The following SERPINC1 variants were observed in gnomAD, a reference collection of about 807,000 sequenced individuals.
SERPINC1 encodes the protein antithrombin-III.
SERPINC1 carries 12 observed loss-of-function variants against 43.4 expected under a neutral mutation model. The observed-to-expected ratio is 0.28, with a 90% confidence interval of 0.18 to 0.45. SERPINC1 has a LOEUF of 0.45. Ranked by LOEUF, SERPINC1 falls within the 20% of genes least tolerant of loss-of-function variation. The pLI, the probability that SERPINC1 is intolerant of heterozygous loss-of-function variation, is 1.00. For missense variants in SERPINC1, 423 were observed against 578.8 expected (o/e 0.73, Z 2.76); for synonymous variants, 210 against 218.9 (o/e 0.96, Z 0.36).
intron 1 of SERPINC1, among the ~76,000 whole-genome samples, chr1:173,916,223 G>A (rs1337861510): frequency 6.6e-6 from 1 of 152,208 alleles, no homozygotes; most frequent in Non-Finnish European, 1.5e-5. Flanking sequence ...GACAGGGTGG[G>A]GCAGGGGCTG....
intron 1 of SERPINC1, among the ~76,000 whole-genome samples, chr1:173,916,347 C>T (rs562683665): frequency 6.6e-6 from 1 of 152,260 alleles, no homozygotes; most frequent in East Asian, 1.9e-4. Flanking sequence ...GATTCACGGA[C>T]GTGGTCCGTT....
chr1:173,907,643 C>T, intron 5 of SERPINC1, 129 bp from the exon 6 acceptor site: 1 of 772,956 alleles, frequency 1.3e-6, no homozygotes, highest in Non-Finnish European at 2.4e-6. Flanking sequence ...CCTAAATCTT[C>T]ACCTAATCAT....
In SERPINC1 at chr1:173,910,784, A is replaced by G. The variant is rs572252151; in HGVS notation, c.732T>C (p.Val244=). Residue 244 remains valine (V), a synonymous_variant, in exon 4 of 7, where the codon GTT becomes GTC. Coordinates refer to ENST00000367698, the MANE Select transcript of SERPINC1 (RefSeq NM_000488.4). The part of the protein sequence containing the change: ...IPSEAINELT[V]LVLVNTIYFK... Reference sequence around the variant, plus strand: ...AGTAAATGGTGTTAACCAGCACCAGAACAGTGAGCTCATTGATGGCTTCCG... The same window carrying G: ...AGTAAATGGTGTTAACCAGCACCAGGACAGTGAGCTCATTGATGGCTTCCG... 2 of 1,614,126 alleles carry G rather than the reference A, an allele frequency of 1.2e-6. No individual in the cohort carries two copies. The highest frequency in any genetic ancestry group is 2.2e-5 in the South Asian group (2 of 91,076).
At chr1:173,904,524 G>A (rs1489272683) in intron 6 of SERPINC1, among the ~76,000 whole-genome samples, 1 of 152,174 alleles carries the variant, frequency 6.6e-6, no homozygotes, top group East Asian at 1.9e-4. Flanking sequence ...ATGAAAAGAG[G>A]TGGGTTCTCT....
Position 173,911,941 on chromosome 1 carries a change from C to T in SERPINC1, c.482G>A (p.Arg161Gln), listed in dbSNP as rs121909563. ...IHFFFAKLNC[R>Q]LYRKANKSSK... ...GGATTTGTTGGCTTTTCGATAGAGT[C>T]GGCAGTTCAGTTTGGCAAAGAAGAA... Residue 161 changes from arginine (R) to glutamine (Q), a missense_variant, in exon 3 of 7, where the codon CGA (arginine) becomes CAA (glutamine). Arg to Gln is a conservative substitution (Grantham distance 43). Coordinates refer to ENST00000367698, the MANE Select transcript of SERPINC1 (RefSeq NM_000488.4). 22 of 1,614,054 alleles carry T rather than the reference C, an allele frequency of 1.4e-5. No homozygotes were observed. The highest frequency in any genetic ancestry group is 1.9e-5 in the Non-Finnish European group (22 of 1,180,020).
chr1:173,904,827 A>G (rs1021090703), intron 6 of SERPINC1, among the ~76,000 whole-genome samples: 11 of 152,022 alleles, frequency 7.2e-5, no homozygotes, highest in Non-Finnish European at 1.5e-4. Context: ...TGCTCATTCC[A>G]GCACTAAATT....
chr1:173,904,237 C>A (rs772721410), intron 6 of SERPINC1, among the ~76,000 whole-genome samples, 172 bp from the exon 7 acceptor site: 22 of 152,192 alleles, frequency 1.4e-4, no homozygotes, highest in Non-Finnish European at 4.4e-5. Flanking sequence ...TTCTTTCATG[C>A]AGAGAATGTA....
Position 173,910,793 on chromosome 1 carries a change from C to T in SERPINC1, c.723G>A (p.Glu241=). The change falls in exon 4 of 7, where the codon GAG becomes GAA. Residue 241 remains glutamate (E), a synonymous_variant. Coordinates refer to ENST00000367698, the MANE Select transcript of SERPINC1 (RefSeq NM_000488.4). The stretch of plus-strand genomic sequence containing the variant: ...TGTTAACCAGCACCAGAACAGTGAG[C>T]TCATTGATGGCTTCCGAGGGAATGA... The part of the protein sequence containing the change: ...TDVIPSEAIN[E]LTVLVLVNTI... The T allele has an allele frequency of 1.2e-6, 2 of 1,614,110 alleles. No individual in the cohort carries two copies. The highest frequency in any genetic ancestry group is 1.7e-6 in the Non-Finnish European group (2 of 1,180,018).
chr1:173,915,457 C>T (rs1417511416), intron 1 of SERPINC1, among the ~76,000 whole-genome samples: 3 of 152,192 alleles, frequency 2.0e-5, no homozygotes, highest in Admixed American at 2.0e-4. Context: ...ATGCAGATCA[C>T]TTGAGGTTGG....
chr1:173,914,778 C>T lies in SERPINC1; in HGVS notation c.183G>A (p.Lys61=). 6.2e-7 allele frequency: 1 copy of T among 1,614,116 alleles called. No individual in the cohort carries two copies. Among genetic ancestry groups the T allele is most frequent in the Non-Finnish European group, 8.5e-7 (1 of 1,179,974 alleles). Residue 61 remains lysine (K), a synonymous_variant, in exon 2 of 7, where the codon AAG becomes AAA. Coordinates refer to ENST00000367698, the MANE Select transcript of SERPINC1 (RefSeq NM_000488.4). ...PMCIYRSPEK[K]ATEDEGSEQK... The stretch of plus-strand genomic sequence containing the variant: ...GTTCTGAGCCCTCATCCTCAGTTGC[C>T]TTCTTCTCCGGGGAGCGGTAAATGC...
rs979918464 is a variant in SERPINC1 at position 173,915,390 on chromosome 1, A to T, written c.42-471T>A. 4.6e-5 allele frequency among the ~76,000 whole-genome samples: 7 copies of T among 152,164 alleles called. No homozygotes were observed. The South Asian group carries it at 6.2e-4, about 13-fold the overall frequency. On this transcript the variant is annotated intron_variant, in intron 1 of 6. Coordinates refer to ENST00000367698, the MANE Select transcript of SERPINC1 (RefSeq NM_000488.4). ...AAGAAATGGATGGAGCAAAGGCAATATCTGGCCGGGTGCGGTGGCTCACGC... is the reference window on the plus strand; with the variant it reads ...AAGAAATGGATGGAGCAAAGGCAATTTCTGGCCGGGTGCGGTGGCTCACGC...
At chr1:173,907,226 C>A (rs1309351077) in intron 6 of SERPINC1, among the ~76,000 whole-genome samples, 1 of 152,102 alleles carries the variant, frequency 6.6e-6, no homozygotes, top group Non-Finnish European at 1.5e-5. Context: ...TTTCCTATAT[C>A]ACCCTCCCTA....
intron 4 of SERPINC1, 69 bp downstream of exon 4, chr1:173,910,685 A>T (rs1657732912): frequency 3.9e-6 from 5 of 1,296,038 alleles, no homozygotes; most frequent in African/African-American, 1.5e-5. Context: ...CTCGCCATTT[A>T]AAAAAAAAGG....
In SERPINC1 at chr1:173,914,851, A is replaced by C. The variant is rs1657924786; in HGVS notation, c.110T>G (p.Val37Gly). 8 of 1,614,234 alleles carry C rather than the reference A, an allele frequency of 5.0e-6. No homozygotes were observed. Among genetic ancestry groups the C allele is most frequent in the Non-Finnish European group, 5.9e-6 (7 of 1,180,048 alleles). Reference sequence around the variant, plus strand: ...CCGCGGCTTGGCTGTGCAGATGTCCACAGGGCTCCCGTGACAGGTCACGCA... The same window carrying C: ...CCGCGGCTTGGCTGTGCAGATGTCCCCAGGGCTCCCGTGACAGGTCACGCA... ...WDCVTCHGSP[V>G]DICTAKPRDI... Residue 37 changes from valine to glycine, a missense_variant, in exon 2 of 7, where the codon GTG becomes GGG. By Grantham distance (109) the Val-to-Gly change is moderately radical. Transcript: ENST00000367698.
chr1:173,915,138 T>C lies in SERPINC1; in HGVS notation c.42-219A>G, dbSNP rs1490884073. The C allele has an allele frequency of 2.8e-6, 4 of 1,428,804 alleles. No individual in the cohort carries two copies. The African/African-American group carries it at 4.3e-5, about 15-fold the overall frequency. The allele number at this position is 1,428,804 out of a possible 1,614,324, so 88.5% of individuals were successfully genotyped here. A position where few individuals can be genotyped will look rare whatever the true frequency, so the allele number is the denominator to read the frequency against. On this transcript the variant is annotated intron_variant, in intron 1 of 6. Transcript: ENST00000367698. ...TGCCTGGACGTGGTCATGTTGGAAT[T>C]AGAATCATCTGATGGTTATTTGGAG...
chr1:173,913,464 T>C (rs1377030053), intron 2 of SERPINC1, among the ~76,000 whole-genome samples: 1 of 152,226 alleles, frequency 6.6e-6, no homozygotes, highest in Non-Finnish European at 1.5e-5. Flanking sequence ...TTGGCTTTCC[T>C]GGGCCCCTGG....
chr1:173,907,309 G>A (rs1189390967), intron 6 of SERPINC1, 141 bp downstream of exon 6: 3 of 733,644 alleles, frequency 4.1e-6, no homozygotes, highest in East Asian at 5.0e-5. Flanking sequence ...ACACCATGAA[G>A]GTTTTGGAGA....
intron 6 of SERPINC1, among the ~76,000 whole-genome samples, chr1:173,905,457 T>C (rs1340831677): frequency 7.0e-6 from 1 of 143,700 alleles, no homozygotes; most frequent in Non-Finnish European, 1.5e-5. Context: ...CGGTGGCTCA[T>C]GCCTGTAATC....
intron 2 of SERPINC1, among the ~76,000 whole-genome samples, chr1:173,913,910 T>G (rs1027455048): frequency 6.6e-6 from 1 of 151,260 alleles, no homozygotes; most frequent in Non-Finnish European, 1.5e-5. Flanking sequence ...AAACCCCATC[T>G]CTACTAAAAA....
Sources: allele counts gnomAD v4.1 joint callset (sites outside exome capture counted in the v4.1 genomes callset), GRCh38; gene constraint gnomAD v4.1.1; transcripts MANE v1.5; gene names NCBI Gene and HGNC (gene_info 2026-07-23, HGNC 2026-07-21).